GPC5: variants seen among roughly 807,000 people sequenced by gnomAD.
GPC5 encodes the protein glypican-5.
Under a neutral mutation model 53.9 loss-of-function variants are expected in GPC5, and 47 were observed. That is an observed-to-expected ratio of 0.87 (90% confidence interval 0.69 to 1.11). The LOEUF is 1.11. Ranked by LOEUF, GPC5 falls within the 50% of genes most tolerant of loss-of-function variation. GPC5 has a pLI of 0.00. For synonymous variants in GPC5, 286 were observed against 263.3 expected, an observed-to-expected ratio of 1.09 and a Z score of -0.84; for missense variants, 748 against 713.1, an observed-to-expected ratio of 1.05 and a Z score of -0.56.
chr13:92,522,708 G>A (rs1411868863), intron 7 of GPC5, among the ~76,000 whole-genome samples: 3 of 152,094 alleles, frequency 2.0e-5, no homozygotes, highest in South Asian at 4.1e-4. Flanking sequence ...CATGGCACAT[G>A]TATGCATATG....
At chr13:91,512,633 A>G (rs772580790) in intron 2 of GPC5, among the ~76,000 whole-genome samples, 3 of 152,100 alleles carry the variant, frequency 2.0e-5, no homozygotes, top group African/African-American at 4.8e-5. Flanking sequence ...CGCTTGGTAG[A>G]GGTCTCTTGG....
intron 6 of GPC5, among the ~76,000 whole-genome samples, chr13:92,137,919 G>A (rs1225078304): frequency 6.6e-6 from 1 of 152,138 alleles, no homozygotes; most frequent in Non-Finnish European, 1.5e-5. Context: ...TATGGATTCT[G>A]GGTGATGGTG....
chr13:91,593,027 G>A (rs1195837664), intron 2 of GPC5, among the ~76,000 whole-genome samples: 1 of 152,188 alleles, frequency 6.6e-6, no homozygotes, highest in East Asian at 1.9e-4. Flanking sequence ...TTCCATACCG[G>A]CTGAAGACCC....
At chr13:91,598,096 T>A (rs946897414) in intron 2 of GPC5, among the ~76,000 whole-genome samples, 5 of 152,158 alleles carry the variant, frequency 3.3e-5, no homozygotes, top group Non-Finnish European at 7.4e-5. Context: ...TTCTGAACTA[T>A]TTTTCTATAG....
At chr13:91,535,921 T>A (rs911542905) in intron 2 of GPC5, among the ~76,000 whole-genome samples, 3 of 152,238 alleles carry the variant, frequency 2.0e-5, no homozygotes, top group African/African-American at 7.2e-5. Flanking sequence ...TGTGTGAACA[T>A]TGACATCTTA....
intron 7 of GPC5, among the ~76,000 whole-genome samples, chr13:92,150,311 G>C (rs2183607): frequency 0.67 from 101,755 of 151,598 alleles, 34,519 homozygotes; most frequent in South Asian, 0.82. Context: ...ATAAACACTT[G>C]CAAATCCAGT....
intron 7 of GPC5, among the ~76,000 whole-genome samples, chr13:92,369,491 A>G (rs1239824935): frequency 6.6e-6 from 1 of 152,114 alleles, no homozygotes; most frequent in Non-Finnish European, 1.5e-5. Flanking sequence ...GCTGTTTTTA[A>G]TGTTTTAGTT....
intron 7 of GPC5, among the ~76,000 whole-genome samples, chr13:92,245,218 T>C (rs2042641723): frequency 6.6e-6 from 1 of 152,096 alleles, no homozygotes. Flanking sequence ...TGTCTTCCAA[T>C]GCATGCATGT....
intron 7 of GPC5, among the ~76,000 whole-genome samples, chr13:92,336,952 TA>T (rs1403237927): frequency 6.6e-6 from 1 of 152,098 alleles, no homozygotes; most frequent in Non-Finnish European, 1.5e-5. Context: ...TTGCCTTTTA[TA>T]AAACCAACGG....
intron 2 of GPC5, among the ~76,000 whole-genome samples, chr13:91,633,335 C>T (rs1038847286): frequency 2.6e-5 from 4 of 152,050 alleles, no homozygotes; most frequent in Non-Finnish European, 5.9e-5. Flanking sequence ...CCTCAGATGT[C>T]ACTGGGTGTT....
chr13:91,656,929 G>A (rs2034858998), intron 2 of GPC5, among the ~76,000 whole-genome samples: 1 of 152,140 alleles, frequency 6.6e-6, no homozygotes, highest in Non-Finnish European at 1.5e-5. Context: ...GATGAAGGCT[G>A]GCAATACAGT....
intron 7 of GPC5, chr13:92,510,113 T>C (rs1880511552): frequency 6.6e-6 from 1 of 152,196 alleles, no homozygotes. Flanking sequence ...ATTAATGACA[T>C]TGTCTTCTGA....
chr13:92,249,384 G>A (rs1042791382), intron 7 of GPC5, among the ~76,000 whole-genome samples: 37 of 152,080 alleles, frequency 2.4e-4, no homozygotes, highest in African/African-American at 8.4e-4. Flanking sequence ...AATAAAAGGA[G>A]TGTGAGTAAC....
chr13:91,628,662 A>G (rs542111036), intron 2 of GPC5, among the ~76,000 whole-genome samples: 1 of 152,310 alleles, frequency 6.6e-6, no homozygotes. Context: ...CAGTTTTATG[A>G]TAACTTTTAA....
At chr13:92,080,025 G>C (rs1179615610) in intron 6 of GPC5, among the ~76,000 whole-genome samples, 1 of 152,110 alleles carries the variant, frequency 6.6e-6, no homozygotes, top group Non-Finnish European at 1.5e-5. Context: ...TGACCACTGG[G>C]TTGTTTAATT....
intron 7 of GPC5, among the ~76,000 whole-genome samples, chr13:92,781,843 G>A (rs914470852): frequency 6.6e-6 from 1 of 152,192 alleles, no homozygotes; most frequent in Non-Finnish European, 1.5e-5. Flanking sequence ...AGCATTAGTA[G>A]CTGCTGCCAG....
chr13:92,818,896 A>G (rs1162874023), intron 7 of GPC5, among the ~76,000 whole-genome samples: 1 of 152,050 alleles, frequency 6.6e-6, no homozygotes, highest in Non-Finnish European at 1.5e-5. Context: ...AAAGCACTGT[A>G]GACAGTTCAC....
chr13:92,047,296 C>T (rs2040989911), intron 6 of GPC5, among the ~76,000 whole-genome samples: 1 of 152,026 alleles, frequency 6.6e-6, no homozygotes, highest in South Asian at 2.1e-4. Flanking sequence ...TCTGAATTCT[C>T]AGTTGGATGG....
At chr13:92,016,553 T>C (rs1332035155) in intron 6 of GPC5, among the ~76,000 whole-genome samples, 3 of 152,196 alleles carry the variant, frequency 2.0e-5, no homozygotes, top group Non-Finnish European at 4.4e-5. Context: ...ATTCTACACA[T>C]ATTTATGCAC....
Sources: allele counts gnomAD v4.1 joint callset (sites outside exome capture counted in the v4.1 genomes callset), GRCh38; gene constraint gnomAD v4.1.1; transcripts MANE v1.5; gene names NCBI Gene and HGNC (gene_info 2026-07-23, HGNC 2026-07-21).